The following LAMA3 variants were observed in gnomAD, a reference collection of about 807,000 sequenced individuals.
The protein encoded by LAMA3 is laminin subunit alpha 3.
LAMA3 carries 281 observed loss-of-function variants against 402.0 expected under a neutral mutation model. The observed-to-expected ratio is 0.70, with a 90% confidence interval of 0.63 to 0.77. LAMA3 has a LOEUF of 0.77. Among genes scored for constraint, LAMA3 ranks in the 30% least tolerant of loss-of-function variants. The pLI is 0.00. For missense variants in LAMA3, 3,840 were observed against 4,215.5 expected (o/e 0.91, Z 2.47); for synonymous variants, 1,431 against 1,558.4 (o/e 0.92, Z 1.93).
Position 23,943,869 on chromosome 18 carries a change from T to A in LAMA3, c.9108T>A (p.Ala3036=), listed in dbSNP as rs959215814. ...CGGGCACTAAGAACTCCTTTATGGC[T>A]CTTTATCTTTCAAAAGGACGTCTGG... ...FHTGTKNSFM[A]LYLSKGRLVF... is the part of the protein sequence containing the mutation. Residue 3036 remains alanine, a synonymous_variant, in exon 69 of 75, where the codon GCT becomes GCA. Transcript: ENST00000313654. 5 of 1,613,864 alleles carry A rather than the reference T, an allele frequency of 3.1e-6. No homozygotes were observed. The highest frequency in any genetic ancestry group is 4.2e-6 in the Non-Finnish European group (5 of 1,179,872).
chr18:23,910,388 A>G (rs2081388153), intron 55 of LAMA3, among the ~76,000 whole-genome samples: 1 of 152,218 alleles, frequency 6.6e-6, no homozygotes, highest in South Asian at 2.1e-4. Flanking sequence ...TGCCTGGCAA[A>G]TAGTAGGTAC....
chr18:23,818,019 G>A (rs995282318), intron 18 of LAMA3, among the ~76,000 whole-genome samples: 1 of 152,214 alleles, frequency 6.6e-6, no homozygotes, highest in South Asian at 2.1e-4. Flanking sequence ...GCCAGGCATG[G>A]TGGCGCACAC....
intron 12 of LAMA3, among the ~76,000 whole-genome samples, chr18:23,790,923 C>CT (rs1327154701): frequency 2.0e-5 from 3 of 150,858 alleles, no homozygotes; most frequent in Non-Finnish European, 2.9e-5. Flanking sequence ...GAGTCTCGCT[C>CT]TGTCACCCAG....
At chr18:23,758,006 T>G (rs1243695986) in intron 6 of LAMA3, among the ~76,000 whole-genome samples, 2 of 152,198 alleles carry the variant, frequency 1.3e-5, no homozygotes, top group Non-Finnish European at 2.9e-5. Flanking sequence ...CAGATCTTTA[T>G]GCAGGTGTGA....
chr18:23,929,936 A>ATAGC (rs2082115287), intron 64 of LAMA3, among the ~76,000 whole-genome samples: 1 of 152,346 alleles, frequency 6.6e-6, no homozygotes, highest in African/African-American at 2.4e-5. Flanking sequence ...GGAATCCTGG[A>ATAGC]TATAGCATAG....
At chr18:23,750,149 G>C (rs1400604930) in intron 4 of LAMA3, among the ~76,000 whole-genome samples, 1 of 152,206 alleles carries the variant, frequency 6.6e-6, no homozygotes, top group Non-Finnish European at 1.5e-5. Flanking sequence ...GTTGCATTTG[G>C]CCCTTGTAAA....
rs925313959 is a variant in LAMA3 at position 23,814,978 on chromosome 18, C to T, written c.1889-210C>T. Among the ~76,000 whole-genome samples the T allele has an allele frequency of 3.9e-5, 6 of 152,332 alleles. No individual in the cohort carries two copies. The South Asian group carries it at 1.2e-3, about 32-fold the overall frequency. ...TGAAGTAGCCATGAACTAGCTGTTA[C>T]TTTTTGTAAATGGATAGTGTGGATT... On this transcript the variant is annotated intron_variant, in intron 15 of 74. Transcript: ENST00000313654.
chr18:23,850,303 T>C (rs1377059587), intron 32 of LAMA3, among the ~76,000 whole-genome samples: 1 of 150,522 alleles, frequency 6.6e-6, no homozygotes, highest in Non-Finnish European at 1.5e-5. Context: ...ATTCATCTAC[T>C]TTAAAATGAA....
At chr18:23,717,688 G>A (rs2061130112) in intron 2 of LAMA3, among the ~76,000 whole-genome samples, 1 of 147,496 alleles carries the variant, frequency 6.8e-6, no homozygotes, top group South Asian at 2.2e-4. Context: ...AAATAGCTGG[G>A]ATTACAGGTG....
intron 10 of LAMA3, among the ~76,000 whole-genome samples, chr18:23,776,509 G>C (rs2062322452): frequency 6.6e-6 from 1 of 152,220 alleles, no homozygotes; most frequent in African/African-American, 2.4e-5. Flanking sequence ...TTGTGCAGCA[G>C]TGAGAAAACT....
intron 12 of LAMA3, among the ~76,000 whole-genome samples, chr18:23,807,882 G>A (rs1303746342): frequency 6.6e-6 from 1 of 152,170 alleles, no homozygotes; most frequent in Non-Finnish European, 1.5e-5. Context: ...TAGAACCCAA[G>A]AACATTTCCT....
rs2081543204 is a variant in LAMA3, at chr18:23,914,508, C to T, written c.7428C>T (p.Ile2476=). ...DREAELQVDQ[I]LTKSETKEAV... ...AGGCTGAACTCCAAGTGGACCAGAT[C>T]TTGACCAAGAGTGAGACTAAGGAGG... Residue 2476 remains isoleucine (I), a synonymous_variant, in exon 57 of 75, where the codon ATC becomes ATT. Coordinates refer to ENST00000313654, the MANE Select transcript of LAMA3 (RefSeq NM_198129.4). 6.2e-7 allele frequency: 1 copy of T among 1,614,030 alleles called. No individual in the cohort carries two copies. Among genetic ancestry groups the T allele is most frequent in the South Asian group, 1.1e-5 (1 of 91,080 alleles).
intron 27 of LAMA3, among the ~76,000 whole-genome samples, chr18:23,841,694 G>A (rs570538633): frequency 5.9e-5 from 9 of 152,270 alleles, no homozygotes; most frequent in South Asian, 2.1e-4. Flanking sequence ...AGGCCAAGGC[G>A]GCAGTATTGC....
chr18:23,709,490 T>C (rs1487345285), intron 1 of LAMA3, among the ~76,000 whole-genome samples: 1 of 152,216 alleles, frequency 6.6e-6, no homozygotes, highest in Non-Finnish European at 1.5e-5. Context: ...AAATCCTTCT[T>C]GTTCTTGTCT....
chr18:23,932,008 A>G, intron 65 of LAMA3, 152 bp from the exon 66 acceptor site: 1 of 897,818 alleles, frequency 1.1e-6, no homozygotes. Context: ...ACATGAAAAA[A>G]GTTGTAATGC....
chr18:23,939,221 A>C lies in LAMA3; in HGVS notation c.8863-2A>C, dbSNP rs1419026248. 1 of 1,614,012 alleles carries C rather than the reference A, an allele frequency of 6.2e-7. No individual in the cohort carries two copies. Among genetic ancestry groups the C allele is most frequent in the East Asian group, 2.2e-5 (1 of 44,884 alleles). On this transcript the variant is annotated splice_acceptor_variant, in intron 67 of 74. Transcript: ENST00000313654. LOFTEE classifies it high-confidence loss of function. Reference sequence around the variant, plus strand: ...TAATTGTGTTGCTCTTTTCCCATGCAGCTGTTGCAGGACACACCAGTGGCC... The same window carrying C: ...TAATTGTGTTGCTCTTTTCCCATGCCGCTGTTGCAGGACACACCAGTGGCC...
intron 24 of LAMA3, chr18:23,834,539 G>T (rs1209332181): frequency 1.8e-5 from 3 of 163,674 alleles, no homozygotes; most frequent in Admixed American, 5.8e-5. Flanking sequence ...TATTAAAAAT[G>T]GTTTTGTTTG....
intron 70 of LAMA3, among the ~76,000 whole-genome samples, chr18:23,948,425 TG>T (rs2082785086): frequency 6.6e-6 from 1 of 152,166 alleles, no homozygotes; most frequent in South Asian, 2.1e-4. Context: ...TGGCCCATCC[TG>T]GGGAGTCCTA....
chr18:23,743,031 TA>T (rs998484794), intron 2 of LAMA3, among the ~76,000 whole-genome samples: 5 of 152,316 alleles, frequency 3.3e-5, no homozygotes, highest in African/African-American at 1.2e-4. Context: ...CAACAACATG[TA>T]TTAAGCCTCT....
Sources: allele counts gnomAD v4.1 joint callset (sites outside exome capture counted in the v4.1 genomes callset), GRCh38; gene constraint gnomAD v4.1.1; transcripts MANE v1.5; gene names NCBI Gene and HGNC (gene_info 2026-07-23, HGNC 2026-07-21).